Variants in CCSER1 observed in about 807,000 individuals in gnomAD.
CCSER1 encodes coiled-coil serine rich protein 1.
In CCSER1, 41 loss-of-function variants were observed where a neutral mutation model predicts 82.0. That is an observed-to-expected ratio of 0.50 (90% CI 0.39 to 0.65). The LOEUF is 0.65. CCSER1 is among the 30% of genes least tolerant of loss of function. The pLI is 0.00. For missense variants in CCSER1, 1,119 were observed against 1,064.2 expected, an observed-to-expected ratio of 1.05 and a Z score of -0.72; for synonymous variants, 414 against 383.9, an observed-to-expected ratio of 1.08 and a Z score of -0.92.
chr4:90,261,392 C>G (rs1189723834), intron 1 of CCSER1, among the ~76,000 whole-genome samples: 1 of 152,136 alleles, frequency 6.6e-6, no homozygotes, highest in African/African-American at 2.4e-5. Flanking sequence ...TCTTGGCTGA[C>G]AATTGTTCTG....
chr4:90,133,570 A>G (rs1723158922), intron 1 of CCSER1, among the ~76,000 whole-genome samples: 1 of 152,176 alleles, frequency 6.6e-6, no homozygotes, highest in South Asian at 2.1e-4. Flanking sequence ...ATTTTGGACC[A>G]TAGCTCTACG....
intron 10 of CCSER1, among the ~76,000 whole-genome samples, chr4:91,459,012 G>GT (rs1278959682): frequency 1.3e-4 from 20 of 151,706 alleles, no homozygotes; most frequent in Admixed American, 7.9e-4. Flanking sequence ...GAACTTATGG[G>GT]TTTTTTTTCC....
intron 10 of CCSER1, among the ~76,000 whole-genome samples, chr4:91,474,743 G>GCA (rs10538837): frequency 7.2e-6 from 1 of 138,486 alleles, no homozygotes; most frequent in Non-Finnish European, 1.6e-5. Context: ...ATACATACAT[G>GCA]CACACACACA....
rs1346355565 is a variant in CCSER1, at chr4:90,812,228, A to G, written c.2011-3534A>G. Among the ~76,000 whole-genome samples the G allele has an allele frequency of 2.6e-5, 4 of 152,220 alleles. No homozygotes were observed. In the East Asian group the frequency reaches 7.7e-4, roughly 29 times the overall value. Reference sequence around the variant, plus strand: ...CTGCTTATATTCTAGCCATTCTGGCAGCTGATTAGATTGTGCCCCCCCAGA... The same window carrying G: ...CTGCTTATATTCTAGCCATTCTGGCGGCTGATTAGATTGTGCCCCCCCAGA... On this transcript the variant is annotated intron_variant, in intron 7 of 10. Coordinates refer to ENST00000509176, the MANE Select transcript of CCSER1 (RefSeq NM_001145065.2).
intron 1 of CCSER1, among the ~76,000 whole-genome samples, chr4:90,223,508 A>C (rs2153422514): frequency 6.6e-6 from 1 of 152,316 alleles, no homozygotes; most frequent in East Asian, 1.9e-4. Flanking sequence ...ATTGATTTTT[A>C]ACATGGATGA....
rs148842885 is a variant in CCSER1, at chr4:90,664,836, A to G, written c.1932+36604A>G. Reference sequence around the variant, plus strand: ...AATTGCTTGAAGCCAGGAGGCAGAGATTGTGGTGAGCCGAGATCACACCAT... The same window carrying G: ...AATTGCTTGAAGCCAGGAGGCAGAGGTTGTGGTGAGCCGAGATCACACCAT... On this transcript the variant is annotated intron_variant, in intron 6 of 10. Transcript: ENST00000509176. Among the ~76,000 whole-genome samples the G allele has an allele frequency of 7.8e-4, 119 of 152,058 alleles. 1 individual carries two copies. In the East Asian group the frequency reaches 0.02, roughly 26 times the overall value.
In CCSER1 at chr4:91,384,757, G is replaced by A. The variant is rs996984157; in HGVS notation, c.2218-213815G>A. Among the ~76,000 whole-genome samples the A allele has an allele frequency of 1.3e-4, 20 of 151,954 alleles. 1 individual carries two copies. Among genetic ancestry groups the A allele is most frequent in the Admixed American group, 5.9e-4 (9 of 15,240 alleles). ...AAAACTTTTCATGACAAAGTGCACC[G>A]TAGGCAAAGTCAAAGGACAAATAAA... On this transcript the variant is annotated intron_variant, in intron 10 of 10. Coordinates refer to ENST00000509176, the MANE Select transcript of CCSER1 (RefSeq NM_001145065.2).
chr4:90,445,316 C>T (rs1760496746), intron 4 of CCSER1, among the ~76,000 whole-genome samples: 1 of 152,036 alleles, frequency 6.6e-6, no homozygotes, highest in African/African-American at 2.4e-5. Context: ...AATATCGCTT[C>T]AAAGAGTGAT....
At chr4:91,198,119 A>G (rs1031316576) in intron 10 of CCSER1, among the ~76,000 whole-genome samples, 9 of 152,126 alleles carry the variant, frequency 5.9e-5, no homozygotes, top group Non-Finnish European at 8.8e-5. Flanking sequence ...TAGTTCCTTA[A>G]TTTACAAATG....
chr4:90,453,003 C>G (rs1761680476), intron 4 of CCSER1, among the ~76,000 whole-genome samples: 1 of 152,140 alleles, frequency 6.6e-6, no homozygotes, highest in South Asian at 2.1e-4. Flanking sequence ...GAGATTTCAT[C>G]AGAGTTGGGA....
intron 6 of CCSER1, among the ~76,000 whole-genome samples, chr4:90,636,371 C>T (rs1725418367): frequency 1.3e-5 from 2 of 151,880 alleles, no homozygotes; most frequent in Admixed American, 6.6e-5. Flanking sequence ...TGCTTCTCAT[C>T]TTGTTTTATG....
intron 9 of CCSER1, among the ~76,000 whole-genome samples, chr4:91,009,147 T>C (rs1327144752): frequency 2.0e-5 from 3 of 152,104 alleles, no homozygotes; most frequent in Non-Finnish European, 2.9e-5. Context: ...ACAGCAGTGG[T>C]GGACAGCAAG....
intron 1 of CCSER1, among the ~76,000 whole-genome samples, chr4:90,132,396 A>G (rs944342628): frequency 6.6e-6 from 1 of 152,218 alleles, no homozygotes; most frequent in Non-Finnish European, 1.5e-5. Context: ...CCTGTGCAAG[A>G]GTGTCAGTTA....
chr4:91,572,276 T>C (rs1360811060), intron 10 of CCSER1, among the ~76,000 whole-genome samples: 2 of 152,120 alleles, frequency 1.3e-5, no homozygotes, highest in African/African-American at 4.8e-5. Flanking sequence ...ACAGTGAAGA[T>C]AGCAGCCTGT....
intron 9 of CCSER1, among the ~76,000 whole-genome samples, chr4:91,008,719 TAA>T (rs1359386036): frequency 3.9e-5 from 6 of 152,326 alleles, no homozygotes; most frequent in African/African-American, 1.2e-4. Flanking sequence ...TATTGATATG[TAA>T]AGAGTTACTA....
chr4:90,876,927 T>G (rs1340430334), intron 8 of CCSER1, among the ~76,000 whole-genome samples: 2 of 152,110 alleles, frequency 1.3e-5, no homozygotes, highest in Admixed American at 6.6e-5. Context: ...AAAATATAAA[T>G]TTCTTTGTTT....
chr4:90,582,560 ATTGT>A (rs1781522579), intron 5 of CCSER1, among the ~76,000 whole-genome samples: 1 of 152,220 alleles, frequency 6.6e-6, no homozygotes, highest in African/African-American at 2.4e-5. Context: ...TAAAATAATC[ATTGT>A]TTATCAATCA....
chr4:90,727,237 T>C (rs911058059), intron 7 of CCSER1: 4 of 456,068 alleles, frequency 8.8e-6, no homozygotes, highest in Non-Finnish European at 1.8e-5. Flanking sequence ...TACACACATA[T>C]GGTCTGACAC....
rs140758284 is a variant in CCSER1 at position 91,554,501 on chromosome 4, A to C, written c.2218-44071A>C. Reference sequence around the variant, plus strand: ...TGGAATAAATTTAACCAGAAAGAGGAAAATCTGTACACTGAACACTGAAAA... The same window carrying C: ...TGGAATAAATTTAACCAGAAAGAGGCAAATCTGTACACTGAACACTGAAAA... On this transcript the variant is annotated intron_variant, in intron 10 of 10. Coordinates refer to ENST00000509176, the MANE Select transcript of CCSER1 (RefSeq NM_001145065.2). Among the ~76,000 whole-genome samples the C allele has an allele frequency of 8.8e-3, 1,338 of 151,416 alleles. 19 individuals carry two copies. Among genetic ancestry groups the C allele is most frequent in the Non-Finnish European group, 0.015 (1,003 of 67,616 alleles).
Sources: allele counts gnomAD v4.1 joint callset (sites outside exome capture counted in the v4.1 genomes callset), GRCh38; gene constraint gnomAD v4.1.1; transcripts MANE v1.5; gene names NCBI Gene and HGNC (gene_info 2026-07-23, HGNC 2026-07-21).